The following AP4E1 variants were observed in gnomAD, a reference collection of about 807,000 sequenced individuals.
AP4E1 encodes AP-4 complex subunit epsilon-1.
In AP4E1, 56 loss-of-function variants were observed where a neutral mutation model predicts 128.2. The observed-to-expected ratio is 0.44, with a 90% CI of 0.35 to 0.55. The LOEUF is 0.55. Ranked by LOEUF, AP4E1 falls within the 20% of genes least tolerant of loss-of-function variation. AP4E1 has a pLI of 0.00. For synonymous variants in AP4E1, 484 were observed against 473.1 expected, an observed-to-expected ratio of 1.02 and a Z score of -0.30; for missense variants, 1,324 against 1,307.7, an observed-to-expected ratio of 1.01 and a Z score of -0.19.
At position 51,005,693 on chromosome 15, in the gene AP4E1, T is replaced by C. The variant is rs142328842; in HGVS notation, c.*3031T>C. ...TTTATCTTATATTTTTATGGATAAA[T>C]GTAGTATTTGCCTCATGATTGTGAG... is the stretch of plus-strand genomic sequence containing the variant. On this transcript the variant is annotated 3_prime_UTR_variant, in exon 21 of 21. Transcript: ENST00000261842. The C allele has an allele frequency of 6.6e-6, 1 of 152,666 alleles. No homozygotes were observed. Among genetic ancestry groups the C allele is most frequent in the South Asian group, 2.1e-4 (1 of 4,822 alleles). 9.5% of individuals were successfully genotyped at this position (152,666 alleles called of 1,614,324 possible).
intron 15 of AP4E1, among the ~76,000 whole-genome samples, chr15:50,972,150 T>C (rs2064487583): frequency 6.6e-6 from 1 of 152,170 alleles, no homozygotes; most frequent in Admixed American, 6.5e-5. Flanking sequence ...AAATGTTCAG[T>C]AGGGTACTAA....
intron 15 of AP4E1, among the ~76,000 whole-genome samples, chr15:50,979,014 C>T (rs1433211361): frequency 6.6e-6 from 1 of 152,138 alleles, no homozygotes; most frequent in Non-Finnish European, 1.5e-5. Context: ...TGTCCAAATA[C>T]TGTTCCTTTC....
chr15:50,968,440 A>G (rs752466627), intron 15 of AP4E1, 63 bp downstream of exon 15: 6 of 1,095,978 alleles, frequency 5.5e-6, no homozygotes, highest in Non-Finnish European at 8.2e-6. Context: ...TATTATAGTC[A>G]TGTAAGTAAA....
chr15:50,956,947 C>A (rs141438697), intron 13 of AP4E1, among the ~76,000 whole-genome samples: 3 of 152,170 alleles, frequency 2.0e-5, no homozygotes, highest in Non-Finnish European at 4.4e-5. Flanking sequence ...TGAGCGGGTG[C>A]AGGAGCCAGA....
At chr15:50,992,148 C>T (rs1232720965) in intron 16 of AP4E1, among the ~76,000 whole-genome samples, 1 of 151,880 alleles carries the variant, frequency 6.6e-6, no homozygotes, top group African/African-American at 2.4e-5. Flanking sequence ...TCCAACAAAC[C>T]ATGTACCCTA....
chr15:50,996,908 T>C (rs1354180323), intron 17 of AP4E1, among the ~76,000 whole-genome samples: 1 of 152,200 alleles, frequency 6.6e-6, no homozygotes, highest in Non-Finnish European at 1.5e-5. Context: ...TATAGATGAC[T>C]AAAACAGAGG....
Position 50,912,083 on chromosome 15 carries a change from A to G in AP4E1, c.156A>G (p.Glu52=), listed in dbSNP as rs759565400. ...AAATATTTTCACTTTCTCAGGAAGA[A>G]GAAAAATTAATCCAGCAGGAACTGA... ...GITALTSKHE[E]EKLIQQELSS... Residue 52 remains glutamate (E), a synonymous_variant, in exon 2 of 21, where the codon GAA becomes GAG. Transcript: ENST00000261842. 2.5e-6 allele frequency: 4 copies of G among 1,613,932 alleles called. No homozygotes were observed. Among genetic ancestry groups the G allele is most frequent in the Non-Finnish European group, 2.5e-6 (3 of 1,179,786 alleles).
At chr15:50,945,498 G>A in intron 10 of AP4E1, 1 of 755,562 alleles carries the variant, frequency 1.3e-6, no homozygotes, top group African/African-American at 1.7e-5. Context: ...TGTTCCATAT[G>A]GATCATGTAT....
At chr15:50,982,693 CATT>C (rs35080270) in intron 15 of AP4E1, among the ~76,000 whole-genome samples, 27,920 of 152,054 alleles carry the variant, frequency 0.18, 2,605 homozygotes, top group South Asian at 0.23. Flanking sequence ...ATTAGCCCAT[CATT>C]ATTATTTTTT....
intron 9 of AP4E1, 25 bp downstream of exon 9, chr15:50,941,589 G>A (rs1439368581): frequency 8.1e-6 from 13 of 1,612,524 alleles, no homozygotes; most frequent in Non-Finnish European, 1.0e-5. Flanking sequence ...TCTTTTGACA[G>A]AAATTACAGA....
Position 50,941,725 on chromosome 15 carries a change from A to G in AP4E1, c.1126A>G (p.Met376Val). The part of the protein sequence containing the change: ...QDPTLALQHQ[M>V]TIIECLDHPD... Reference sequence around the variant, plus strand: ...TCCTACTCTGGCTCTTCAACACCAGATGACAATAATTGAATGTTTAGATCA... The same window carrying G: ...TCCTACTCTGGCTCTTCAACACCAGGTGACAATAATTGAATGTTTAGATCA... The change falls in exon 10 of 21, where the codon ATG (methionine) becomes GTG (valine). Residue 376 changes from methionine (M) to valine (V), a missense_variant. Physicochemically the swap from Met to Val is conservative, Grantham distance 21. Coordinates refer to ENST00000261842, the MANE Select transcript of AP4E1 (RefSeq NM_007347.5). The G allele has an allele frequency of 1.9e-6, 3 of 1,613,534 alleles. No homozygotes were observed. Among genetic ancestry groups the G allele is most frequent in the Non-Finnish European group, 2.5e-6 (3 of 1,179,546 alleles).
Position 50,997,454 on chromosome 15 carries a change from A to G in AP4E1, c.2475A>G (p.Ala825=). The change falls in exon 18 of 21, where the codon GCA becomes GCG. Residue 825 remains alanine, a synonymous_variant. Transcript: ENST00000261842. ...CCTTTAGTTCTTTGTCAAATGTGGC[A>G]TATGAAGATGATTATTATTCGAATA... ...CSSFSSLSNV[A]YEDDYYSNTL... is the part of the protein sequence containing the mutation. 1 of 1,614,008 alleles carries G rather than the reference A, an allele frequency of 6.2e-7. No individual in the cohort carries two copies. Among genetic ancestry groups the G allele is most frequent in the Non-Finnish European group, 8.5e-7 (1 of 1,179,958 alleles).
chr15:50,969,905 C>T (rs964906838), intron 15 of AP4E1, among the ~76,000 whole-genome samples: 1 of 152,038 alleles, frequency 6.6e-6, no homozygotes, highest in Non-Finnish European at 1.5e-5. Flanking sequence ...GTGATCTGCC[C>T]GCCTTGGCCT....
At chr15:50,912,005 T>G in intron 1 of AP4E1, 73 bp from the exon 2 acceptor site, 1 of 1,135,980 alleles carries the variant, frequency 8.8e-7, no homozygotes, top group Non-Finnish European at 1.3e-6. Flanking sequence ...AATTATATTT[T>G]TCCGTTTAGA....
intron 15 of AP4E1, among the ~76,000 whole-genome samples, chr15:50,975,099 C>G (rs1316903350): frequency 1.3e-5 from 2 of 152,168 alleles, no homozygotes; most frequent in Non-Finnish European, 2.9e-5. Context: ...ATTGTAAAGA[C>G]CAATGTCATA....
chr15:50,991,091 A>G (rs971682400), intron 16 of AP4E1, among the ~76,000 whole-genome samples: 3 of 152,178 alleles, frequency 2.0e-5, no homozygotes, highest in African/African-American at 7.2e-5. Flanking sequence ...TTATACTTCC[A>G]TTCATCCATC....
At chr15:50,998,652 A>G (rs976336804) in intron 18 of AP4E1, among the ~76,000 whole-genome samples, 28 of 152,232 alleles carry the variant, frequency 1.8e-4, no homozygotes, top group African/African-American at 6.5e-4. Context: ...TCATCTGTGG[A>G]ACTTAAAAAA....
intron 11 of AP4E1, among the ~76,000 whole-genome samples, chr15:50,948,900 A>G (rs1425375527): frequency 6.6e-6 from 1 of 150,978 alleles, no homozygotes; most frequent in East Asian, 2.0e-4. Flanking sequence ...TGAAACTGGG[A>G]GGCGGAGGTT....
intron 7 of AP4E1, among the ~76,000 whole-genome samples, chr15:50,931,545 G>A (rs1174569361): frequency 1.3e-5 from 2 of 152,056 alleles, no homozygotes; most frequent in African/African-American, 4.8e-5. Flanking sequence ...CAGCCTGGGT[G>A]ACAAAGCGAG....
Sources: gnomAD v4.1 joint callset for allele counts (sites outside exome capture counted in the v4.1 genomes callset) on GRCh38, gnomAD v4.1.1 for gene constraint, MANE v1.5 for transcripts, NCBI Gene and HGNC (gene_info 2026-07-23, HGNC 2026-07-21) for gene names.